The following OPCML variants were observed in gnomAD, a reference collection of about 807,000 sequenced individuals.
OPCML encodes opioid binding protein/cell adhesion molecule like, also known as opioid-binding protein/cell adhesion molecule.
Under a neutral mutation model 37.8 loss-of-function variants are expected in OPCML, and 13 were observed. The ratio of observed to expected loss-of-function variants is 0.34; its 90% CI spans 0.22 to 0.55. OPCML has a LOEUF of 0.55. Ranked by LOEUF, OPCML falls within the 20% of genes least tolerant of loss-of-function variation. OPCML has a pLI of 0.91. For synonymous variants in OPCML, 176 were observed against 168.8 expected, an observed-to-expected ratio of 1.04 and a Z score of -0.33; for missense variants, 341 against 435.6, an observed-to-expected ratio of 0.78 and a Z score of 1.93.
intron 1 of OPCML, among the ~76,000 whole-genome samples, chr11:133,486,412 T>A (rs1226211043): frequency 6.6e-6 from 1 of 152,198 alleles, no homozygotes; most frequent in African/African-American, 2.4e-5. Flanking sequence ...CTCATCAAAT[T>A]TGACTACCAA....
chr11:132,957,447 T>C (rs1325036037), intron 1 of OPCML, among the ~76,000 whole-genome samples: 1 of 152,142 alleles, frequency 6.6e-6, no homozygotes, highest in East Asian at 1.9e-4. Flanking sequence ...TTTACAGAGA[T>C]GGATCCCAAG....
At chr11:133,063,937 G>A (rs1948395169) in intron 1 of OPCML, among the ~76,000 whole-genome samples, 1 of 152,182 alleles carries the variant, frequency 6.6e-6, no homozygotes. Flanking sequence ...GGGTGTTTTT[G>A]TGAAACGGGC....
At chr11:132,509,711 T>C (rs970781645) in intron 4 of OPCML, among the ~76,000 whole-genome samples, 2 of 152,198 alleles carry the variant, frequency 1.3e-5, no homozygotes, top group African/African-American at 4.8e-5. Flanking sequence ...AGAATTAAGG[T>C]TTGAGGACTT....
At chr11:133,446,521 C>T (rs550195714) in intron 1 of OPCML, among the ~76,000 whole-genome samples, 2 of 152,236 alleles carry the variant, frequency 1.3e-5, no homozygotes, top group East Asian at 3.9e-4. Flanking sequence ...AACTCCTGGG[C>T]TCAAGGGATC....
At chr11:133,509,432 G>A (rs993731835) in intron 1 of OPCML, among the ~76,000 whole-genome samples, 4 of 152,170 alleles carry the variant, frequency 2.6e-5, no homozygotes, top group African/African-American at 7.2e-5. Flanking sequence ...AGTATTCCAC[G>A]GGGTATATGT....
chr11:133,186,539 G>A (rs975393017), intron 1 of OPCML, among the ~76,000 whole-genome samples: 1 of 152,012 alleles, frequency 6.6e-6, no homozygotes, highest in African/African-American at 2.4e-5. Flanking sequence ...TAGGGAAAAT[G>A]GAGAGGGGTA....
intron 2 of OPCML, among the ~76,000 whole-genome samples, chr11:132,921,021 C>A (rs1402133267): frequency 6.6e-6 from 1 of 152,184 alleles, no homozygotes; most frequent in African/African-American, 2.4e-5. Context: ...ATTCTCCCTG[C>A]AGTCTTCTAC....
chr11:133,472,430 T>C (rs1043905493), intron 1 of OPCML, among the ~76,000 whole-genome samples: 47 of 152,038 alleles, frequency 3.1e-4, no homozygotes, highest in African/African-American at 1.0e-3. Flanking sequence ...CAGAGCATCA[T>C]TGCCACCTGG....
At chr11:132,526,636 T>C (rs1174370113) in intron 4 of OPCML, among the ~76,000 whole-genome samples, 1 of 152,098 alleles carries the variant, frequency 6.6e-6, no homozygotes, top group African/African-American at 2.4e-5. Flanking sequence ...TGGTAAAAGA[T>C]CCAGTCTCTT....
At chr11:133,039,433 G>A (rs186212100) in intron 1 of OPCML, among the ~76,000 whole-genome samples, 2 of 152,254 alleles carry the variant, frequency 1.3e-5, no homozygotes, top group Admixed American at 6.5e-5. Flanking sequence ...GATCAGAGGC[G>A]CTTGGGTTGG....
chr11:132,421,417 A>G (rs1244060283), intron 7 of OPCML, among the ~76,000 whole-genome samples: 2 of 152,206 alleles, frequency 1.3e-5, no homozygotes, highest in African/African-American at 2.4e-5. Flanking sequence ...TACTGGAAAT[A>G]AGCTGAGGTG....
intron 1 of OPCML, among the ~76,000 whole-genome samples, chr11:133,319,633 C>T (rs1231186734): frequency 6.6e-6 from 1 of 152,186 alleles, no homozygotes; most frequent in Non-Finnish European, 1.5e-5. Context: ...TCCTCTCGGC[C>T]CTCGTCTGCC....
chr11:132,437,167 A>T, intron 5 of OPCML, 55 bp downstream of exon 5: 3 of 1,593,846 alleles, frequency 1.9e-6, no homozygotes, highest in South Asian at 2.2e-5. Flanking sequence ...CAGATTGTCC[A>T]CCTACTCCCT....
intron 7 of OPCML, among the ~76,000 whole-genome samples, chr11:132,427,388 G>T (rs2095981234): frequency 6.6e-6 from 1 of 152,202 alleles, no homozygotes; most frequent in African/African-American, 2.4e-5. Flanking sequence ...ACTTGTTGGT[G>T]AAACATAAAG....
intron 1 of OPCML, among the ~76,000 whole-genome samples, chr11:132,987,455 G>A (rs1326696861): frequency 2.6e-5 from 4 of 152,186 alleles, no homozygotes; most frequent in African/African-American, 9.7e-5. Context: ...GGACCAGACA[G>A]AAATAAGGAT....
chr11:133,172,006 T>C (rs1335406073), intron 1 of OPCML, among the ~76,000 whole-genome samples: 2 of 152,222 alleles, frequency 1.3e-5, no homozygotes, highest in Non-Finnish European at 2.9e-5. Flanking sequence ...GCTGCTTATT[T>C]GAATACATAG....
At chr11:133,207,103 C>T (rs181564204) in intron 1 of OPCML, among the ~76,000 whole-genome samples, 170 of 139,178 alleles carry the variant, frequency 1.2e-3, no homozygotes, top group African/African-American at 2.5e-3. Context: ...CTGGCTAACA[C>T]GGTGAAACCC....
At chr11:133,030,841 A>G (rs1027642974) in intron 1 of OPCML, among the ~76,000 whole-genome samples, 3 of 152,118 alleles carry the variant, frequency 2.0e-5, no homozygotes, top group African/African-American at 7.2e-5. Context: ...AAGAAGGGGA[A>G]TCCAAGCATT....
chr11:133,175,055 G>A lies in OPCML; in HGVS notation c.62-232045C>T, dbSNP rs531506199. Among the ~76,000 whole-genome samples, 8 of 152,318 alleles carry A rather than the reference G, an allele frequency of 5.3e-5. No homozygotes were observed. The South Asian group carries it at 6.2e-4, about 12-fold the overall frequency. ...AGAGGTTGAGGCTACAGTAAGCTAC[G>A]ATTATGCCCCTGCACGCCTTGTTAA... On this transcript the variant is annotated intron_variant, in intron 1 of 7. Coordinates refer to ENST00000524381, the MANE Select transcript of OPCML (RefSeq NM_001012393.5).
Sources: gnomAD v4.1 joint callset for allele counts (sites outside exome capture counted in the v4.1 genomes callset) on GRCh38, gnomAD v4.1.1 for gene constraint, MANE v1.5 for transcripts, NCBI Gene and HGNC (gene_info 2026-07-23, HGNC 2026-07-21) for gene names.